IL1RL2: variants seen among roughly 807,000 people sequenced by gnomAD.
IL1RL2 encodes the protein interleukin 1 receptor like 2, also known as interleukin-1 receptor-like 2.
In IL1RL2, 68 loss-of-function variants were observed where a neutral mutation model predicts 66.8. The ratio of observed to expected loss-of-function variants is 1.02; its 90% confidence interval spans 0.84 to 1.25. The LOEUF (loss-of-function observed/expected upper bound fraction) is 1.25, where lower values mean the gene tolerates loss of function less well. Among genes scored for constraint, IL1RL2 ranks in the 50% most tolerant of loss-of-function variants. The pLI, the probability that IL1RL2 is intolerant of heterozygous loss-of-function variation, is 0.00. For synonymous variants in IL1RL2, 305 were observed against 264.6 expected (o/e 1.15, Z -1.48); for missense variants, 729 against 709.3 (o/e 1.03, Z -0.32).
At chr2:102,218,281 A>G (rs778579590) in intron 6 of IL1RL2, among the ~76,000 whole-genome samples, 4 of 152,192 alleles carry the variant, frequency 2.6e-5, no homozygotes, top group Non-Finnish European at 5.9e-5. Context: ...ATATTTCACA[A>G]TCATTTTTTA....
chr2:102,190,153 A>C (rs3771199), intron 3 of IL1RL2, among the ~76,000 whole-genome samples: 1 of 152,028 alleles, frequency 6.6e-6, no homozygotes, highest in Non-Finnish European at 1.5e-5. Context: ...CAGCTGGAAA[A>C]CACATGCCCC....
At chr2:102,236,028 AT>A in intron 11 of IL1RL2, 1 of 753,236 alleles carries the variant, frequency 1.3e-6, no homozygotes, top group Non-Finnish European at 1.6e-6. Context: ...GAGAGACGCA[AT>A]TAGCACACAG....
intron 5 of IL1RL2, among the ~76,000 whole-genome samples, chr2:102,206,049 C>T (rs972007027): frequency 1.3e-5 from 2 of 151,932 alleles, no homozygotes; most frequent in African/African-American, 2.4e-5. Flanking sequence ...TTCAATATGC[C>T]AATTGCATTT....
Position 102,189,141 on chromosome 2 carries a change from T to A in IL1RL2, c.124T>A (p.Cys42Ser), listed in dbSNP as rs1686996860. 2 of 1,614,158 alleles carry A rather than the reference T, an allele frequency of 1.2e-6. No individual in the cohort carries two copies. The highest frequency in any genetic ancestry group is 8.5e-7 in the Non-Finnish European group (1 of 1,180,006). Residue 42 changes from cysteine (C) to serine (S), a missense_variant, in exon 3 of 12, where the codon TGT becomes AGT. Transcript: ENST00000264257. ...LSASQPFAFN[C>S]TFPPITSGEV... ...AGCAAGCCAGCCTTTTGCTTTTAATTGTACATTCCCTCCCATAACATCTGG... is the reference window on the plus strand; with the variant it reads ...AGCAAGCCAGCCTTTTGCTTTTAATAGTACATTCCCTCCCATAACATCTGG...
Position 102,235,123 on chromosome 2 carries a change from T to A in IL1RL2, c.1524T>A (p.His508Gln), listed in dbSNP as rs756898307. The A allele has an allele frequency of 6.2e-6, 10 of 1,614,192 alleles. No homozygotes were observed. In the Admixed American group the frequency reaches 1.3e-4, roughly 22 times the overall value. Reference sequence around the variant, plus strand: ...CAATTCAGTACATCAAACAGAAGCATGGTGCCATCCGGTGGCATGGGGACT... The same window carrying A: ...CAATTCAGTACATCAAACAGAAGCAAGGTGCCATCCGGTGGCATGGGGACT... ...PESIQYIKQK[H>Q]GAIRWHGDFT... The change falls in exon 11 of 12, where the codon CAT (histidine) becomes CAA (glutamine). Residue 508 changes from histidine (H) to glutamine (Q), a missense_variant. His to Gln is a conservative substitution (Grantham distance 24, BLOSUM62 0). Coordinates refer to ENST00000264257, the MANE Select transcript of IL1RL2 (RefSeq NM_003854.4).
At chr2:102,242,834 T>G (rs1409128945), downstream of IL1RL2, among the ~76,000 whole-genome samples, 1 of 152,280 alleles carries the variant, frequency 6.6e-6, no homozygotes, top group East Asian at 1.9e-4. Flanking sequence ...AGGTTTGTTC[T>G]ATTTGTTACT....
chr2:102,234,346 A>G (rs1014804849), intron 10 of IL1RL2, among the ~76,000 whole-genome samples: 2 of 152,216 alleles, frequency 1.3e-5, no homozygotes, highest in Non-Finnish European at 2.9e-5. Flanking sequence ...GTGACATACA[A>G]AGAAACCACA....
At chr2:102,236,083 G>A (rs1021568198) in intron 11 of IL1RL2, 4 of 336,618 alleles carry the variant, frequency 1.2e-5, no homozygotes, top group Admixed American at 6.5e-5. Flanking sequence ...AGTTTCCAAT[G>A]AGCCAATGTG....
At chr2:102,190,718 G>A (rs1416919472) in intron 3 of IL1RL2, among the ~76,000 whole-genome samples, 1 of 152,200 alleles carries the variant, frequency 6.6e-6, no homozygotes, top group Admixed American at 6.5e-5. Flanking sequence ...CCTAGGCTGT[G>A]AATTATTAAC....
intron 4 of IL1RL2, among the ~76,000 whole-genome samples, chr2:102,199,868 CTTTG>C (rs930641625): frequency 2.6e-4 from 39 of 152,218 alleles, no homozygotes; most frequent in African/African-American, 9.1e-4. Context: ...AGACATTGTA[CTTTG>C]TTTGGGCTGA....
Position 102,220,008 on chromosome 2 carries a change from C to G in IL1RL2, c.982C>G (p.Gln328Glu). ...AGTGTCCACAGCATACATTATATTA[C>G]AGCTCCCAGGTAATACTCCAGTGGG... Reference protein sequence around the residue: ...AGVSTAYIILQLPAPDFRAYL... With the variant: ...AGVSTAYIILELPAPDFRAYL... The change falls in exon 8 of 12, where the codon CAG becomes GAG. Residue 328 changes from glutamine to glutamate, a missense_variant. Transcript: ENST00000264257. 6.2e-7 allele frequency: 1 copy of G among 1,610,688 alleles called. No individual in the cohort carries two copies.
intron 9 of IL1RL2, among the ~76,000 whole-genome samples, chr2:102,230,586 C>CGA (rs1691034136): frequency 6.6e-6 from 1 of 152,212 alleles, no homozygotes; most frequent in Non-Finnish European, 1.5e-5. Context: ...TCCTCTGCGC[C>CGA]CGGTCCTGCT....
chr2:102,193,510 C>T (rs1687409643), intron 4 of IL1RL2, among the ~76,000 whole-genome samples: 1 of 152,072 alleles, frequency 6.6e-6, no homozygotes, highest in African/African-American at 2.4e-5. Flanking sequence ...CAAGTGGAAG[C>T]CCAGGTAATT....
chr2:102,200,117 CAAAAA>C (rs35208716), intron 4 of IL1RL2, among the ~76,000 whole-genome samples: 3 of 95,148 alleles, frequency 3.2e-5, no homozygotes, highest in East Asian at 3.0e-4. Flanking sequence ...CCTGTTCCAG[CAAAAA>C]AAAAAAAAAA....
chr2:102,227,213 G>A (rs890824027), intron 9 of IL1RL2, among the ~76,000 whole-genome samples: 8 of 152,204 alleles, frequency 5.3e-5, no homozygotes, highest in African/African-American at 1.9e-4. Context: ...GTGTGGAGAT[G>A]CACGACTTTA....
chr2:102,222,231 G>A (rs11687459), intron 8 of IL1RL2, among the ~76,000 whole-genome samples: 42,648 of 151,966 alleles, frequency 0.28, 6,615 homozygotes, highest in East Asian at 0.39. Flanking sequence ...TTACGTTGCC[G>A]TATCCTAGTC....
At chr2:102,222,385 G>T (rs538406970) in intron 8 of IL1RL2, among the ~76,000 whole-genome samples, 1 of 152,270 alleles carries the variant, frequency 6.6e-6, no homozygotes, top group African/African-American at 2.4e-5. Flanking sequence ...CATCCCTCCA[G>T]GATATATCAT....
intron 6 of IL1RL2, among the ~76,000 whole-genome samples, 185 bp downstream of exon 6, chr2:102,212,359 G>C (rs1689248488): frequency 2.0e-5 from 3 of 152,158 alleles, no homozygotes; most frequent in Non-Finnish European, 4.4e-5. Flanking sequence ...GCCGAAGCAT[G>C]GAAAAGTTGT....
At chr2:102,210,294 G>A (rs1396981491) in intron 5 of IL1RL2, among the ~76,000 whole-genome samples, 3 of 152,136 alleles carry the variant, frequency 2.0e-5, no homozygotes, top group East Asian at 1.9e-4. Context: ...ATTATGGCAG[G>A]TGATGAGGTT....
Sources: allele counts gnomAD v4.1 joint callset (sites outside exome capture counted in the v4.1 genomes callset), GRCh38; gene constraint gnomAD v4.1.1; transcripts MANE v1.5; gene names NCBI Gene and HGNC (gene_info 2026-07-23, HGNC 2026-07-21).